TBC1D22A: variants seen among roughly 807,000 people sequenced by gnomAD.
TBC1D22A encodes the protein putative GTPase activator.
Under a neutral mutation model 60.2 loss-of-function variants are expected in TBC1D22A, and 38 were observed. The observed-to-expected ratio is 0.63, with a 90% CI of 0.49 to 0.83. The LOEUF is 0.83. Ranked by LOEUF, TBC1D22A falls within the 40% of genes least tolerant of loss-of-function variation. The pLI is 0.00. For synonymous variants in TBC1D22A, 302 were observed against 281.7 expected, an observed-to-expected ratio of 1.07 and a Z score of -0.72; for missense variants, 628 against 701.0, an observed-to-expected ratio of 0.90 and a Z score of 1.18.
At chr22:47,071,695 A>C (rs1266783992) in intron 11 of TBC1D22A, among the ~76,000 whole-genome samples, 1 of 152,216 alleles carries the variant, frequency 6.6e-6, no homozygotes, top group African/African-American at 2.4e-5. Context: ...AACCCTTGCT[A>C]ATGCTTTATG....
intron 8 of TBC1D22A, among the ~76,000 whole-genome samples, chr22:46,970,889 A>G (rs937615346): frequency 6.6e-6 from 1 of 152,068 alleles, no homozygotes; most frequent in African/African-American, 2.4e-5. Flanking sequence ...TTCCCAGGCT[A>G]TCTCCCCAGG....
intron 9 of TBC1D22A, among the ~76,000 whole-genome samples, chr22:46,985,701 A>G (rs1179284447): frequency 2.0e-5 from 3 of 152,162 alleles, no homozygotes; most frequent in Non-Finnish European, 2.9e-5. Context: ...GCTGTTGTGA[A>G]TAACATTTCT....
At chr22:46,897,370 C>G (rs943996484) in intron 7 of TBC1D22A, among the ~76,000 whole-genome samples, 9 of 152,028 alleles carry the variant, frequency 5.9e-5, no homozygotes, top group African/African-American at 2.2e-4. Context: ...AGAAAGCGAC[C>G]AATGAGAGGC....
chr22:47,097,656 A>G (rs574648387), intron 11 of TBC1D22A, among the ~76,000 whole-genome samples: 19 of 152,342 alleles, frequency 1.2e-4, no homozygotes, highest in African/African-American at 4.6e-4. Context: ...GAACATATCA[A>G]TTAAAAGGAA....
chr22:47,109,032 C>T (rs2065746926), intron 11 of TBC1D22A, among the ~76,000 whole-genome samples: 2 of 152,194 alleles, frequency 1.3e-5, no homozygotes, highest in Non-Finnish European at 2.9e-5. Flanking sequence ...AGTTATACCT[C>T]AGGAGAGCTG....
chr22:46,949,747 GAGAA>G (rs2072782407), intron 8 of TBC1D22A, among the ~76,000 whole-genome samples: 1 of 152,232 alleles, frequency 6.6e-6, no homozygotes, highest in Non-Finnish European at 1.5e-5. Context: ...AGAAAGAACT[GAGAA>G]AGGAAAAGAA....
intron 8 of TBC1D22A, among the ~76,000 whole-genome samples, chr22:46,924,621 T>C (rs2070942424): frequency 6.6e-6 from 1 of 152,120 alleles, no homozygotes; most frequent in Non-Finnish European, 1.5e-5. Context: ...GGCGCATGCC[T>C]GTAATCCCAG....
intron 1 of TBC1D22A, among the ~76,000 whole-genome samples, chr22:46,787,416 T>A (rs745738201): frequency 7.9e-5 from 12 of 152,186 alleles, no homozygotes; most frequent in Non-Finnish European, 1.8e-4. Context: ...ATGTGGCGGC[T>A]CCTGCGTCTC....
chr22:46,865,026 C>G (rs1472930039), intron 4 of TBC1D22A, among the ~76,000 whole-genome samples: 1 of 152,208 alleles, frequency 6.6e-6, no homozygotes, highest in African/African-American at 2.4e-5. Flanking sequence ...TGTCCAAATA[C>G]TGGTGGTGGT....
intron 10 of TBC1D22A, among the ~76,000 whole-genome samples, chr22:47,029,799 G>A (rs1250414913): frequency 1.3e-5 from 2 of 152,244 alleles, no homozygotes; most frequent in South Asian, 2.1e-4. Flanking sequence ...GCTCAGGCGC[G>A]CTGTCCCATC....
At chr22:47,086,158 G>C (rs959568912) in intron 11 of TBC1D22A, among the ~76,000 whole-genome samples, 2 of 152,136 alleles carry the variant, frequency 1.3e-5, no homozygotes, top group African/African-American at 4.8e-5. Context: ...ATTTTCTACC[G>C]TAAATTAAAA....
chr22:46,790,356 C>T (rs186292013), intron 1 of TBC1D22A, among the ~76,000 whole-genome samples: 212 of 152,310 alleles, frequency 1.4e-3, no homozygotes, highest in Non-Finnish European at 2.5e-3. Context: ...TAGATTGTGC[C>T]CATCCGGATT....
chr22:46,952,441 G>T (rs1473470189), intron 8 of TBC1D22A, among the ~76,000 whole-genome samples: 1 of 152,152 alleles, frequency 6.6e-6, no homozygotes, highest in Admixed American at 6.5e-5. Flanking sequence ...CTTTTAGCAG[G>T]TTTAGGAGCC....
At chr22:47,055,033 G>A (rs554543614) in intron 11 of TBC1D22A, among the ~76,000 whole-genome samples, 45 of 152,318 alleles carry the variant, frequency 3.0e-4, no homozygotes, top group Admixed American at 6.5e-4. Context: ...CCTCTTAGCC[G>A]CTTCTTTCTT....
At chr22:47,071,464 T>C (rs1271262806) in intron 11 of TBC1D22A, among the ~76,000 whole-genome samples, 1 of 152,226 alleles carries the variant, frequency 6.6e-6, no homozygotes, top group African/African-American at 2.4e-5. Context: ...CCTGAGCCAC[T>C]GAGCTTCTGC....
chr22:47,125,309 C>T (rs1407171859), intron 12 of TBC1D22A, among the ~76,000 whole-genome samples: 5 of 152,146 alleles, frequency 3.3e-5, no homozygotes, highest in Admixed American at 6.5e-5. Flanking sequence ...TTCCCCGGGG[C>T]GGGGCTTTCT....
At chr22:47,084,983 A>T (rs879704368) in intron 11 of TBC1D22A, among the ~76,000 whole-genome samples, 61 of 152,290 alleles carry the variant, frequency 4.0e-4, no homozygotes, top group Non-Finnish European at 6.9e-4. Context: ...CTTTCATATT[A>T]AAAAAATATT....
At chr22:46,913,542 G>A (rs779861108) in intron 8 of TBC1D22A, 19 of 1,231,918 alleles carry the variant, frequency 1.5e-5, no homozygotes, top group African/African-American at 6.3e-5. Flanking sequence ...GAGCTGCCTC[G>A]GCTCACTCCC....
chr22:47,026,544 A>G (rs894688266), intron 10 of TBC1D22A, among the ~76,000 whole-genome samples: 1 of 152,256 alleles, frequency 6.6e-6, no homozygotes, highest in Non-Finnish European at 1.5e-5. Context: ...AGAAAGAACA[A>G]GAGTTTAGCA....
Sources: gnomAD v4.1 joint callset for allele counts (sites outside exome capture counted in the v4.1 genomes callset) on GRCh38, gnomAD v4.1.1 for gene constraint, MANE v1.5 for transcripts, NCBI Gene and HGNC (gene_info 2026-07-23, HGNC 2026-07-21) for gene names.